CC2D2B: variants seen among roughly 807,000 people sequenced by gnomAD.
The protein encoded by CC2D2B is coiled-coil and C2 domain containing 2B.
Under a neutral mutation model 161.2 loss-of-function variants are expected in CC2D2B, and 128 were observed. The ratio of observed to expected loss-of-function variants is 0.79; its 90% CI spans 0.69 to 0.92. CC2D2B has a LOEUF of 0.92. Among genes scored for constraint, CC2D2B ranks in the 40% least tolerant of loss-of-function variants. CC2D2B has a pLI of 0.00. For synonymous variants in CC2D2B, 391 were observed against 449.8 expected, an observed-to-expected ratio of 0.87 and a Z score of 1.65; for missense variants, 1,173 against 1,375.1, an observed-to-expected ratio of 0.85 and a Z score of 2.32.
At chr10:96,031,447 G>C (rs1031106188) in intron 34 of CC2D2B, among the ~76,000 whole-genome samples, 2 of 152,222 alleles carry the variant, frequency 1.3e-5, no homozygotes, top group African/African-American at 4.8e-5. Context: ...AAACTGAATC[G>C]ATGTTGAATA....
intron 17 of CC2D2B, among the ~76,000 whole-genome samples, chr10:95,978,784 T>C (rs1023655121): frequency 9.2e-5 from 14 of 152,230 alleles, no homozygotes; most frequent in Admixed American, 3.3e-4. Context: ...CCTTAATTCA[T>C]TATTCAACTT....
intron 2 of CC2D2B, among the ~76,000 whole-genome samples, chr10:95,915,937 C>A (rs1233265575): frequency 6.6e-6 from 1 of 151,988 alleles, no homozygotes; most frequent in Admixed American, 6.6e-5. Context: ...TGGAAGTATT[C>A]CCTTGTCCTC....
chr10:96,009,982 T>C (rs1230916834), intron 26 of CC2D2B, 59 bp downstream of exon 26: 1 of 1,042,364 alleles, frequency 9.6e-7, no homozygotes, highest in South Asian at 1.3e-5. Context: ...ATAGAAAAAC[T>C]TTCTGTTGTC....
intron 9 of CC2D2B, among the ~76,000 whole-genome samples, chr10:95,940,750 C>A (rs1018828097): frequency 1.3e-5 from 2 of 152,098 alleles, no homozygotes; most frequent in African/African-American, 4.8e-5. Flanking sequence ...GAAAGACATC[C>A]CATGTTCATG....
intron 31 of CC2D2B, 78 bp from the exon 32 acceptor site, chr10:96,019,624 A>G: frequency 7.1e-7 from 1 of 1,412,546 alleles, no homozygotes; most frequent in Admixed American, 2.5e-5. Flanking sequence ...AAGACTGTAA[A>G]ATTTTGCTCC....
At chr10:95,951,743 TCTATTAA>T (rs1367941449) in intron 10 of CC2D2B, among the ~76,000 whole-genome samples, 5 of 152,170 alleles carry the variant, frequency 3.3e-5, no homozygotes, top group Admixed American at 1.3e-4. Flanking sequence ...TAGAGTACCA[TCTATTAA>T]AGTATATATA....
In CC2D2B at chr10:95,938,581, G is replaced by T. The variant is rs35298116; in HGVS notation, c.548G>T (p.Arg183Leu). 1 of 697,382 alleles carries T rather than the reference G, an allele frequency of 1.4e-6. No homozygotes were observed. Among genetic ancestry groups the T allele is most frequent in the South Asian group, 1.6e-5 (1 of 63,016 alleles). 43.2% of individuals were successfully genotyped at this position (697,382 alleles called of 1,614,324 possible). The change falls in exon 8 of 35, where the codon CGC (arginine) becomes CTC (leucine). Residue 183 changes from arginine to leucine, a missense_variant. Arg to Leu is a moderately radical substitution (Grantham distance 102). Around this residue, in one of 3 missense-constraint regions of CC2D2B, gnomAD observed 298 missense variants for 261.2 expected, o/e 1.14. Coordinates refer to ENST00000646931, the MANE Select transcript of CC2D2B (RefSeq NM_001349008.3). The stretch of plus-strand genomic sequence containing the variant: ...TATTGTTATAAAGTGGTTAACCAGC[G>T]CAAACTGCCAAAAGATATGATGCCA... ...VPSSSPVVNQ[R>L]KLPKDMMPRI...
intron 24 of CC2D2B, chr10:96,000,019 T>A (rs1303681310): frequency 3.0e-6 from 4 of 1,337,424 alleles, no homozygotes; most frequent in Non-Finnish European, 4.1e-6. Flanking sequence ...CTTCTTTGTT[T>A]ACAACAATGC....
chr10:96,025,039 T>TGGC, intron 33 of CC2D2B, 128 bp downstream of exon 33: 1 of 464,894 alleles, frequency 2.2e-6, no homozygotes, highest in South Asian at 2.8e-5. Context: ...GCTGGCCCAG[T>TGGC]GGCTCACACC....
Position 96,007,588 on chromosome 10 carries a change from G to A in CC2D2B, c.2947-2237G>A, listed in dbSNP as rs2078804759. Among the ~76,000 whole-genome samples, 6 of 152,116 alleles carry A rather than the reference G, an allele frequency of 3.9e-5. No individual in the cohort carries two copies. The South Asian group carries it at 1.2e-3, about 31-fold the overall frequency. ...TGCTGGTTAGCCTCTGGATTTAAAA[G>A]ACACTTCTCATATTGTCTGGTAAGT... On this transcript the variant is annotated intron_variant, in intron 25 of 34. Coordinates refer to ENST00000646931, the MANE Select transcript of CC2D2B (RefSeq NM_001349008.3).
chr10:96,019,220 A>C lies in CC2D2B; in HGVS notation c.3648A>C (p.Val1216=), dbSNP rs2079347133. 3 of 1,606,470 alleles carry C rather than the reference A, an allele frequency of 1.9e-6. No homozygotes were observed. Among genetic ancestry groups the C allele is most frequent in the Non-Finnish European group, 2.5e-6 (3 of 1,177,472 alleles). ...TSVLEGHVAY[V]VTQETNEYLL... ...TCATACAGGGGCATGTGGCTTATGT[A>C]GTAACTCAAGAAACTAATGAATATT... is the stretch of plus-strand genomic sequence containing the variant. Residue 1216 remains valine (V), a synonymous_variant, in exon 31 of 35, where the codon GTA becomes GTC. Transcript: ENST00000646931.
At chr10:95,933,866 C>A (rs2075705246) in intron 6 of CC2D2B, among the ~76,000 whole-genome samples, 1 of 152,218 alleles carries the variant, frequency 6.6e-6, no homozygotes, top group African/African-American at 2.4e-5. Flanking sequence ...GGTCAGGGAA[C>A]CACTTGAGGA....
chr10:95,999,383 C>A (rs1050880881), intron 24 of CC2D2B, among the ~76,000 whole-genome samples: 11 of 152,074 alleles, frequency 7.2e-5, no homozygotes, highest in Non-Finnish European at 1.3e-4. Context: ...GAGCTTCTTT[C>A]CATAGGTTCA....
intron 33 of CC2D2B, among the ~76,000 whole-genome samples, chr10:96,025,363 CAAAAAAAAAA>C (rs35860002): frequency 1.9e-5 from 1 of 52,504 alleles, no homozygotes; most frequent in Non-Finnish European, 3.7e-5. Flanking sequence ...TGAGGCCTTG[CAAAAAAAAAA>C]AAAAAAAAAA....
chr10:95,959,344 C>A (rs2076685199), intron 11 of CC2D2B, among the ~76,000 whole-genome samples: 1 of 152,170 alleles, frequency 6.6e-6, no homozygotes, highest in South Asian at 2.1e-4. Context: ...CCACAGACCA[C>A]TGAATCGGGA....
chr10:95,918,958 G>T (rs1279124181), intron 2 of CC2D2B: 2 of 151,920 alleles, frequency 1.3e-5, no homozygotes, highest in Non-Finnish European at 1.5e-5. Flanking sequence ...ATTTCTGCTT[G>T]ATTCTTTTTA....
intron 25 of CC2D2B, 91 bp from the exon 26 acceptor site, chr10:96,009,734 A>T: frequency 2.0e-6 from 1 of 495,584 alleles, no homozygotes; most frequent in Non-Finnish European, 3.4e-6. Context: ...TTTAGAAGAA[A>T]GAGAATGACT....
chr10:96,019,345 T>C lies in CC2D2B; in HGVS notation c.3765+8T>C. ...TTGTTTGATGATAGAAATGTAAGTATATGGGGAAAAAAAATCTTGAGTTAT... is the reference window on the plus strand; with the variant it reads ...TTGTTTGATGATAGAAATGTAAGTACATGGGGAAAAAAAATCTTGAGTTAT... On this transcript the variant is annotated splice_region_variant and intron_variant, in intron 31 of 34. Transcript: ENST00000646931. The C allele has an allele frequency of 6.2e-7, 1 of 1,600,884 alleles. No homozygotes were observed. Among genetic ancestry groups the C allele is most frequent in the South Asian group, 1.1e-5 (1 of 88,376 alleles).
In CC2D2B at chr10:95,965,929, A is replaced by AATCT; in HGVS notation, c.1285_1288dup (p.Ser430TyrfsTer6). 8.2e-7 allele frequency: 1 copy of AATCT among 1,213,732 alleles called. No individual in the cohort carries two copies. Among genetic ancestry groups the AATCT allele is most frequent in the Admixed American group, 4.2e-5 (1 of 23,650 alleles). 75.2% of individuals were successfully genotyped at this position (1,213,732 alleles called of 1,614,324 possible). A position where few individuals can be genotyped will look rare whatever the true frequency, so the allele number is the denominator to read the frequency against. ...TGAATAAATGTGATGAACAAGAGCA[A>AATCT]ATCTCAGAAATGTCTGAAACTGAGA... On this transcript the variant is annotated frameshift_variant, in exon 13 of 35. Coordinates refer to ENST00000646931, the MANE Select transcript of CC2D2B (RefSeq NM_001349008.3). LOFTEE classifies it high-confidence loss of function.
Sources: allele counts gnomAD v4.1 joint callset (sites outside exome capture counted in the v4.1 genomes callset), GRCh38; gene constraint gnomAD v4.1.1; regional missense constraint gnomAD v4.1.1; transcripts MANE v1.5; gene names NCBI Gene and HGNC (gene_info 2026-07-23, HGNC 2026-07-21).